Variants in HNRNPC observed in about 807,000 individuals in gnomAD.
The protein encoded by HNRNPC is heterogeneous nuclear ribonucleoprotein C, also known as heterogeneous nuclear ribonucleoproteins C1/C2.
HNRNPC carries 3 observed loss-of-function variants against 33.2 expected under a neutral mutation model. The observed-to-expected ratio is 0.09, with a 90% CI of 0.04 to 0.23. The LOEUF is 0.23. HNRNPC is among the 10% of genes least tolerant of loss of function. HNRNPC has a pLI of 1.00. For synonymous variants in HNRNPC, 121 were observed against 126.7 expected (o/e 0.96, Z 0.30); for missense variants, 143 against 366.7 (o/e 0.39, Z 4.98).
At position 21,245,891 on chromosome 14, in the gene HNRNPC, G is replaced by A. The variant is rs142397198; in HGVS notation, c.-36-11662C>T. Among the ~76,000 whole-genome samples the A allele has an allele frequency of 2.1e-3, 325 of 151,996 alleles. 2 individuals carry two copies. The highest frequency in any genetic ancestry group is 0.014 in the Middle Eastern group (4 of 294). ...TGAGGAGTCTCCCTCTGTCACTAAG[G>A]CTGGAGTGCAGTGGCGCAGTCTCAG... On this transcript the variant is annotated intron_variant, in intron 2 of 8. Transcript: ENST00000553300.
At chr14:21,233,531 G>A (rs1331287978) in intron 3 of HNRNPC, among the ~76,000 whole-genome samples, 1 of 152,150 alleles carries the variant, frequency 6.6e-6, no homozygotes, top group Non-Finnish European at 1.5e-5. Context: ...AGTACTCTGA[G>A]GTGTCATTAC....
intron 5 of HNRNPC, among the ~76,000 whole-genome samples, chr14:21,216,157 C>A (rs1011319331): frequency 1.0e-4 from 15 of 149,712 alleles, no homozygotes; most frequent in Non-Finnish European, 1.9e-4. Flanking sequence ...AGAATGTCTA[C>A]CCCAATTCCA....
intron 1 of HNRNPC, chr14:21,268,666 A>G (rs1879422355): frequency 6.6e-6 from 1 of 152,222 alleles, no homozygotes; most frequent in Non-Finnish European, 1.5e-5. Flanking sequence ...AGTGTTTTGT[A>G]ACCTGCAGAT....
At position 21,260,900 on chromosome 14, in the gene HNRNPC, T is replaced by C. The variant is rs8020202; in HGVS notation, c.-37+2411A>G. Among the ~76,000 whole-genome samples the C allele has an allele frequency of 2.3e-4, 34 of 147,118 alleles. 1 individual carries two copies. The highest frequency in any genetic ancestry group is 8.7e-4 in the South Asian group (4 of 4,624). ...ATCGCTTGAACCCGGGAGGTGGAGGTTGCAGTGACCCAAGATGGCACCACT... is the reference window on the plus strand; with the variant it reads ...ATCGCTTGAACCCGGGAGGTGGAGGCTGCAGTGACCCAAGATGGCACCACT... On this transcript the variant is annotated intron_variant, in intron 2 of 8. Transcript: ENST00000553300.
intron 2 of HNRNPC, among the ~76,000 whole-genome samples, chr14:21,258,235 T>A (rs939015570): frequency 3.3e-5 from 5 of 151,760 alleles, no homozygotes; most frequent in African/African-American, 1.2e-4. Context: ...TACTAAAATA[T>A]AAAAATTAGC....
intron 1 of HNRNPC, among the ~76,000 whole-genome samples, chr14:21,267,912 A>C (rs746444639): frequency 1.3e-5 from 2 of 152,216 alleles, no homozygotes; most frequent in African/African-American, 2.4e-5. Flanking sequence ...GATAAACTTT[A>C]GTTTTAAGTT....
chr14:21,220,553 G>C (rs1172007219), intron 5 of HNRNPC, among the ~76,000 whole-genome samples: 2 of 152,106 alleles, frequency 1.3e-5, no homozygotes, highest in Non-Finnish European at 2.9e-5. Context: ...TAGTATTCCT[G>C]CTATATACAA....
At chr14:21,226,498 T>C (rs769881565) in intron 5 of HNRNPC, among the ~76,000 whole-genome samples, 11 of 152,044 alleles carry the variant, frequency 7.2e-5, no homozygotes, top group Admixed American at 1.3e-4. Flanking sequence ...ATTCCCAACA[T>C]TGTGATAAAA....
At chr14:21,254,151 A>C (rs553260799) in intron 2 of HNRNPC, among the ~76,000 whole-genome samples, 1 of 152,164 alleles carries the variant, frequency 6.6e-6, no homozygotes, top group South Asian at 2.1e-4. Flanking sequence ...CTGGGGCTTA[A>C]ATGTAAGAAA....
At chr14:21,268,509 T>C (rs1266329738) in intron 1 of HNRNPC, 1 of 152,176 alleles carries the variant, frequency 6.6e-6, no homozygotes, top group Non-Finnish European at 1.5e-5. Flanking sequence ...TAAAAACCAC[T>C]CGACTGACCT....
chr14:21,252,768 TGG>T (rs996411915), intron 2 of HNRNPC, among the ~76,000 whole-genome samples: 3 of 152,086 alleles, frequency 2.0e-5, no homozygotes, highest in African/African-American at 7.2e-5. Flanking sequence ...AGGGGGTGGA[TGG>T]GGAGATGTAG....
At chr14:21,244,564 T>C (rs1895737451) in intron 2 of HNRNPC, among the ~76,000 whole-genome samples, 1 of 152,202 alleles carries the variant, frequency 6.6e-6, no homozygotes, top group Non-Finnish European at 1.5e-5. Flanking sequence ...TAAATCATAG[T>C]TGACTCTTTA....
intron 1 of HNRNPC, among the ~76,000 whole-genome samples, chr14:21,266,584 C>T (rs926851841): frequency 1.3e-4 from 19 of 150,426 alleles, no homozygotes; most frequent in African/African-American, 4.2e-4. Context: ...TTTCCAATAT[C>T]GAGAATACCT....
chr14:21,213,235 T>A (rs1891810903), intron 5 of HNRNPC, 118 bp from the exon 6 acceptor site: 2 of 1,111,892 alleles, frequency 1.8e-6, no homozygotes, highest in Admixed American at 3.0e-5. Context: ...TTTTATTAAA[T>A]TTCATTAAGA....
intron 5 of HNRNPC, among the ~76,000 whole-genome samples, chr14:21,214,111 G>A (rs912066810): frequency 1.3e-5 from 2 of 152,014 alleles, no homozygotes; most frequent in African/African-American, 4.8e-5. Flanking sequence ...CGTATGAAAA[G>A]GTCTTCAATT....
intron 5 of HNRNPC, among the ~76,000 whole-genome samples, chr14:21,222,982 C>G (rs1201008630): frequency 6.6e-6 from 1 of 152,012 alleles, no homozygotes; most frequent in African/African-American, 2.4e-5. Flanking sequence ...GGCCAGATCT[C>G]GAGGTCAGGT....
intron 2 of HNRNPC, among the ~76,000 whole-genome samples, chr14:21,238,196 T>C (rs554165064): frequency 2.0e-5 from 3 of 152,352 alleles, no homozygotes; most frequent in South Asian, 4.1e-4. Context: ...TCATATTCTA[T>C]ATGAATTTTT....
chr14:21,227,383 AGTT>A (rs1315507245), intron 5 of HNRNPC, among the ~76,000 whole-genome samples: 3 of 152,194 alleles, frequency 2.0e-5, no homozygotes, highest in Admixed American at 2.0e-4. Context: ...GCTATTACCT[AGTT>A]GCTCCACTAG....
chr14:21,213,062 C>G lies in HNRNPC; in HGVS notation c.421G>C (p.Val141Leu), dbSNP rs766124241. Residue 141 changes from valine (V) to leucine (L), a missense_variant, in exon 6 of 9, where the codon GTG becomes CTG. Transcript: ENST00000553300. ...GATACACGCTGACGTTTCGAGGGCACTACAGCCCGAGCAATAGGAGGAGGA... is the reference window on the plus strand; with the variant it reads ...GATACACGCTGACGTTTCGAGGGCAGTACAGCCCGAGCAATAGGAGGAGGA... ...PPPPPIARAV[V>L]PSKRQRVSGN... is the part of the protein sequence containing the mutation. The G allele has an allele frequency of 3.1e-6, 5 of 1,614,042 alleles. No individual in the cohort carries two copies. Among genetic ancestry groups the G allele is most frequent in the Non-Finnish European group, 4.2e-6 (5 of 1,179,914 alleles).
Sources: gnomAD v4.1 joint callset for allele counts (sites outside exome capture counted in the v4.1 genomes callset) on GRCh38, gnomAD v4.1.1 for gene constraint, MANE v1.5 for transcripts, NCBI Gene and HGNC (gene_info 2026-07-23, HGNC 2026-07-21) for gene names.